Variants in STARD3 observed in about 807,000 individuals in gnomAD.
STARD3 encodes StAR related lipid transfer domain containing 3, also known as stAR-related lipid transfer protein 3.
In STARD3, 39 loss-of-function variants were observed where a neutral mutation model predicts 62.0. That is an observed-to-expected ratio of 0.63 (90% CI 0.49 to 0.82). The LOEUF is 0.82. STARD3 is among the 40% of genes least tolerant of loss of function. The pLI, the probability that STARD3 is intolerant of heterozygous loss-of-function variation, is 0.00. For synonymous variants in STARD3, 229 were observed against 242.4 expected, an observed-to-expected ratio of 0.94 and a Z score of 0.51; for missense variants, 543 against 584.5, an observed-to-expected ratio of 0.93 and a Z score of 0.73.
chr17:39,650,092 G>A (rs1289574155), intron 1 of STARD3, among the ~76,000 whole-genome samples: 2 of 151,996 alleles, frequency 1.3e-5, no homozygotes, highest in East Asian at 1.9e-4. Flanking sequence ...CGTGTCCCCC[G>A]CAAAAAGGAT....
At position 39,660,307 on chromosome 17, in the gene STARD3, G is replaced by C. The variant is rs576452632; in HGVS notation, c.858+34G>C. 3.7e-6 allele frequency: 6 copies of C among 1,613,642 alleles called. No individual in the cohort carries two copies. The East Asian group carries it at 8.9e-5, about 24-fold the overall frequency. ...GGGGAGCGGGTGTCCTGGAGCCCCA[G>C]ACAGCACAGGAGGCTCCAGGAAGGT... On this transcript the variant is annotated intron_variant, in intron 10 of 14. Transcript: ENST00000336308. This position sits in a 1 kb window ranked among gnomAD's most constrained non-coding sequence, Gnocchi z 4.8.
chr17:39,656,345 G>GTCGC (rs1311007459), intron 2 of STARD3, among the ~76,000 whole-genome samples: 1 of 152,174 alleles, frequency 6.6e-6, no homozygotes, highest in Non-Finnish European at 1.5e-5. Flanking sequence ...AAGGAGTCAG[G>GTCGC]TCGCAGTCTG....
chr17:39,644,243 C>G (rs1289073868), intron 1 of STARD3, among the ~76,000 whole-genome samples: 1 of 152,172 alleles, frequency 6.6e-6, no homozygotes, highest in East Asian at 1.9e-4. Flanking sequence ...CCCCCTGAAT[C>G]CCAGGGCACA....
chr17:39,651,207 A>G (rs1380606627), intron 1 of STARD3, among the ~76,000 whole-genome samples: 1 of 152,210 alleles, frequency 6.6e-6, no homozygotes, highest in Non-Finnish European at 1.5e-5. Context: ...CTCTGCTGCA[A>G]ACAGTCAGTT....
intron 1 of STARD3, among the ~76,000 whole-genome samples, chr17:39,638,957 T>C (rs1368243381): frequency 2.6e-5 from 4 of 152,034 alleles, no homozygotes; most frequent in African/African-American, 9.7e-5. Flanking sequence ...TTGGGCAACA[T>C]AGTGAGACCC....
chr17:39,647,374 G>GA (rs2057036435), intron 1 of STARD3, among the ~76,000 whole-genome samples: 1 of 152,154 alleles, frequency 6.6e-6, no homozygotes, highest in South Asian at 2.1e-4. Flanking sequence ...GTGCTTGGGA[G>GA]AGGCCAGTCA....
intron 5 of STARD3, 112 bp downstream of exon 5, chr17:39,658,138 G>A: frequency 1.6e-6 from 2 of 1,225,812 alleles, no homozygotes; most frequent in East Asian, 2.5e-5. Context: ...CCGGGTTAGG[G>A]GGAGAGGGAA....
intron 1 of STARD3, among the ~76,000 whole-genome samples, chr17:39,650,431 T>C (rs141986654): frequency 6.6e-6 from 1 of 152,206 alleles, no homozygotes; most frequent in Non-Finnish European, 1.5e-5. Flanking sequence ...AACTGTGAGA[T>C]GATAAATGTC....
chr17:39,656,835 G>T, intron 2 of STARD3, 173 bp from the exon 3 acceptor site: 1 of 614,272 alleles, frequency 1.6e-6, no homozygotes. Context: ...TGAGGTCTCT[G>T]GCCGTGGGCT....
chr17:39,650,884 A>G (rs1342492945), intron 1 of STARD3, among the ~76,000 whole-genome samples: 1 of 152,166 alleles, frequency 6.6e-6, no homozygotes, highest in Non-Finnish European at 1.5e-5. Context: ...ATGAGGAGAG[A>G]TGGAGAGAGT....
rs563010143 is a variant in STARD3, at chr17:39,651,063, C to T, written c.-51-2418C>T. Reference sequence around the variant, plus strand: ...TCCCATTGCCAGCGGCCTGTCACATCCCCTCCCCATCGCCTGTTTCCAGAG... The same window carrying T: ...TCCCATTGCCAGCGGCCTGTCACATTCCCTCCCCATCGCCTGTTTCCAGAG... On this transcript the variant is annotated intron_variant, in intron 1 of 14. Coordinates refer to ENST00000336308, the MANE Select transcript of STARD3 (RefSeq NM_006804.4). 2.0e-5 allele frequency among the ~76,000 whole-genome samples: 3 copies of T among 152,348 alleles called. No individual in the cohort carries two copies. In the South Asian group the frequency reaches 6.2e-4, roughly 32 times the overall value.
At chr17:39,657,602 T>G (rs1479402463) in intron 3 of STARD3, among the ~76,000 whole-genome samples, 173 bp from the exon 4 acceptor site, 2 of 151,408 alleles carry the variant, frequency 1.3e-5, no homozygotes, top group African/African-American at 2.4e-5. Flanking sequence ...ATAAGACCCC[T>G]GTGCAAGGTT....
At chr17:39,656,927 C>G (rs2057135809) in intron 2 of STARD3, 81 bp from the exon 3 acceptor site, 1 of 1,417,828 alleles carries the variant, frequency 7.1e-7, no homozygotes, top group Non-Finnish European at 9.9e-7. Flanking sequence ...CATCCCCTAC[C>G]TCTTGCCCCT....
At chr17:39,648,321 G>A (rs934064572) in intron 1 of STARD3, among the ~76,000 whole-genome samples, 4 of 152,066 alleles carry the variant, frequency 2.6e-5, no homozygotes, top group Non-Finnish European at 4.4e-5. Flanking sequence ...ATAAAAATTA[G>A]CTGAGCATAA....
Position 39,660,954 on chromosome 17 carries a change from CCCCTGAACTAACCCT to C in STARD3, c.1035-22_1035-8del, listed in dbSNP as rs766435299. 1.9e-6 allele frequency: 3 copies of C among 1,612,686 alleles called. No individual in the cohort carries two copies. The African/African-American group carries it at 4.0e-5, about 22-fold the overall frequency. ...CTGCACTTTGGCCTTGGGTCATTGT[CCCCTGAACTAACCCT>C]CCCTCCCGCAGGGACTTCGTGAATG... On this transcript the variant is annotated splice_polypyrimidine_tract_variant and intron_variant, in intron 12 of 14. Transcript: ENST00000336308. The surrounding 1 kb of genome is among the most constrained non-coding windows in gnomAD (Gnocchi z 4.8).
At chr17:39,643,311 C>T (rs1250445088) in intron 1 of STARD3, among the ~76,000 whole-genome samples, 1 of 152,148 alleles carries the variant, frequency 6.6e-6, no homozygotes, top group East Asian at 1.9e-4. Flanking sequence ...CAGGCAGCAG[C>T]ATTTGTACTT....
In STARD3 at chr17:39,652,024, G is replaced by A. The variant is rs972678014; in HGVS notation, c.-51-1457G>A. ...TTGTCTTTAGGGTTCCTGAGAGCCCGATGCTGGCACAGGATGGTAAGGGAT... is the reference window on the plus strand; with the variant it reads ...TTGTCTTTAGGGTTCCTGAGAGCCCAATGCTGGCACAGGATGGTAAGGGAT... On this transcript the variant is annotated intron_variant, in intron 1 of 14. Transcript: ENST00000336308. Among the ~76,000 whole-genome samples the A allele has an allele frequency of 6.6e-5, 10 of 152,170 alleles. No individual in the cohort carries two copies. In the East Asian group the frequency reaches 1.2e-3, roughly 18 times the overall value.
intron 1 of STARD3, among the ~76,000 whole-genome samples, chr17:39,649,108 T>C (rs2057053558): frequency 6.6e-6 from 1 of 151,682 alleles, no homozygotes; most frequent in African/African-American, 2.4e-5. Context: ...AAATGGGAGA[T>C]AGATTGAGAG....
Position 39,660,476 on chromosome 17 carries a change from C to T in STARD3, c.904C>T (p.Leu302=). The part of the protein sequence containing the change: ...PAELVYQEVI[L]QPERMVLWNK... ...GGAGCTCGTGTACCAGGAGGTGATCCTGCAGCCCGAGAGGATGGTGCTGTG... is the reference window on the plus strand; with the variant it reads ...GGAGCTCGTGTACCAGGAGGTGATCTTGCAGCCCGAGAGGATGGTGCTGTG... The change falls in exon 11 of 15, where the codon CTG becomes TTG. Residue 302 remains leucine, a synonymous_variant. Coordinates refer to ENST00000336308, the MANE Select transcript of STARD3 (RefSeq NM_006804.4). The surrounding 1 kb of genome is among the most constrained non-coding windows in gnomAD (Gnocchi z 4.8). 3 of 1,614,012 alleles carry T rather than the reference C, an allele frequency of 1.9e-6. No homozygotes were observed. Among genetic ancestry groups the T allele is most frequent in the Non-Finnish European group, 2.5e-6 (3 of 1,180,020 alleles).
Sources: allele counts gnomAD v4.1 joint callset (sites outside exome capture counted in the v4.1 genomes callset), GRCh38; gene constraint gnomAD v4.1.1; non-coding constraint Gnocchi (gnomAD v3.1); transcripts MANE v1.5; gene names NCBI Gene and HGNC (gene_info 2026-07-23, HGNC 2026-07-21).